The following EPHA6 variants were observed in gnomAD, a reference collection of about 807,000 sequenced individuals.
EPHA6 encodes the protein EPH receptor A6.
EPHA6 carries 50 observed loss-of-function variants against 112.0 expected under a neutral mutation model. The observed-to-expected ratio is 0.45, with a 90% CI of 0.36 to 0.56. The LOEUF is 0.56. EPHA6 is among the 20% of genes least tolerant of loss of function. EPHA6 has a pLI of 0.00. For synonymous variants in EPHA6, 529 were observed against 490.7 expected, an observed-to-expected ratio of 1.08 and a Z score of -1.03; for missense variants, 1,280 against 1,417.4, an observed-to-expected ratio of 0.90 and a Z score of 1.56.
intron 7 of EPHA6, among the ~76,000 whole-genome samples, chr3:97,460,543 G>A (rs2090852790): frequency 6.6e-6 from 1 of 152,192 alleles, no homozygotes; most frequent in Non-Finnish European, 1.5e-5. Context: ...CAGAGATGTG[G>A]TGTGTTGCCT....
At chr3:97,165,287 T>C (rs543588967) in intron 3 of EPHA6, among the ~76,000 whole-genome samples, 40 of 152,288 alleles carry the variant, frequency 2.6e-4, no homozygotes, top group African/African-American at 9.4e-4. Flanking sequence ...GCAACCTTTC[T>C]ATTCTCTTAA....
At chr3:97,176,084 T>A (rs9842464) in intron 3 of EPHA6, among the ~76,000 whole-genome samples, 1 of 151,900 alleles carries the variant, frequency 6.6e-6, no homozygotes, top group African/African-American at 2.4e-5. Context: ...CTTTCAATAC[T>A]CAGTTTTTTG....
intron 9 of EPHA6, among the ~76,000 whole-genome samples, chr3:97,480,715 C>T (rs2091508848): frequency 6.6e-6 from 1 of 152,260 alleles, no homozygotes; most frequent in Non-Finnish European, 1.5e-5. Context: ...CCGCCATCGT[C>T]ATCATGGCCC....
rs1239514034 is a variant in EPHA6 at position 97,265,021 on chromosome 3, G to T, written c.1606+20734G>T. Among the ~76,000 whole-genome samples, 7 of 152,194 alleles carry T rather than the reference G, an allele frequency of 4.6e-5. No homozygotes were observed. The East Asian group carries it at 1.4e-3, about 29-fold the overall frequency. On this transcript the variant is annotated intron_variant, in intron 5 of 17. Coordinates refer to ENST00000389672, the MANE Select transcript of EPHA6 (RefSeq NM_001080448.3). ...AGAGGGTAGCTCCTCTTTGCAGCTG[G>T]TCATCCTGACAATTGTTAAGCTATC...
At position 97,404,224 on chromosome 3, in the gene EPHA6, C is replaced by G. The variant is rs545979462; in HGVS notation, c.1607-926C>G. Among the ~76,000 whole-genome samples, 366 of 152,076 alleles carry G rather than the reference C, an allele frequency of 2.4e-3. 4 individuals carry two copies. Among genetic ancestry groups the G allele is most frequent in the Non-Finnish European group, 2.7e-3 (184 of 68,026 alleles). On this transcript the variant is annotated intron_variant, in intron 5 of 17. Transcript: ENST00000389672. ...ATAATTTTTGCCTTAAATCTTTAAG[C>G]TTCCCTTCATAAGAGTTGTATCATT...
intron 3 of EPHA6, among the ~76,000 whole-genome samples, chr3:97,135,239 G>T (rs1250719869): frequency 6.6e-6 from 1 of 152,132 alleles, no homozygotes; most frequent in Non-Finnish European, 1.5e-5. Context: ...TTCAGAACTT[G>T]GCTTTTGAGT....
At chr3:97,622,828 C>A (rs111991532) in intron 13 of EPHA6, among the ~76,000 whole-genome samples, 2 of 151,742 alleles carry the variant, frequency 1.3e-5, no homozygotes, top group South Asian at 4.2e-4. Flanking sequence ...GGTGTCTCAA[C>A]GAAGTTTTAA....
chr3:97,062,054 T>A (rs543279356), intron 3 of EPHA6, among the ~76,000 whole-genome samples: 11 of 152,310 alleles, frequency 7.2e-5, no homozygotes, highest in African/African-American at 2.2e-4. Context: ...ACTATATAGC[T>A]TCATTGTATC....
chr3:97,025,409 A>G (rs2044603486), intron 3 of EPHA6, among the ~76,000 whole-genome samples: 1 of 152,136 alleles, frequency 6.6e-6, no homozygotes, highest in African/African-American at 2.4e-5. Context: ...CTTTTGCCAG[A>G]TGCATAGTTA....
chr3:97,653,630 T>C (rs1039219600), intron 14 of EPHA6, among the ~76,000 whole-genome samples: 2 of 151,960 alleles, frequency 1.3e-5, no homozygotes, highest in African/African-American at 4.8e-5. Flanking sequence ...AATTACCATA[T>C]GATTCAGCAA....
At chr3:97,258,894 A>G (rs2079405279) in intron 5 of EPHA6, among the ~76,000 whole-genome samples, 2 of 151,984 alleles carry the variant, frequency 1.3e-5, no homozygotes, top group South Asian at 4.1e-4. Context: ...CATTCTAAAG[A>G]CTAACAGAAA....
At chr3:97,328,080 A>ATATATATATAG (rs2082572857) in intron 5 of EPHA6, among the ~76,000 whole-genome samples, 5 of 71,426 alleles carry the variant, frequency 7.0e-5, no homozygotes, top group African/African-American at 3.3e-4. Context: ...TATATATATA[A>ATATATATATAG]CCTGTTTTGT....
chr3:96,990,829 C>A (rs2043188225), intron 3 of EPHA6, among the ~76,000 whole-genome samples: 1 of 151,790 alleles, frequency 6.6e-6, no homozygotes, highest in Non-Finnish European at 1.5e-5. Context: ...CAAAAAAAAT[C>A]TCTGAATTAC....
intron 16 of EPHA6, 68 bp downstream of exon 16, chr3:97,736,186 A>G: frequency 3.7e-6 from 5 of 1,341,124 alleles, no homozygotes; most frequent in Non-Finnish European, 5.0e-6. Flanking sequence ...ATAGATAATA[A>G]TAACAGGTAG....
intron 2 of EPHA6, among the ~76,000 whole-genome samples, chr3:96,903,297 G>C (rs980175687): frequency 6.6e-6 from 1 of 152,148 alleles, no homozygotes; most frequent in African/African-American, 2.4e-5. Context: ...AGTTGTAGGA[G>C]TTGAGGACAA....
intron 11 of EPHA6, among the ~76,000 whole-genome samples, chr3:97,550,739 G>T (rs902384336): frequency 7.9e-5 from 12 of 152,090 alleles, no homozygotes; most frequent in African/African-American, 2.7e-4. Context: ...TAAGATGGGG[G>T]TATATTAAGA....
chr3:96,965,315 T>C (rs2042085457), intron 2 of EPHA6, among the ~76,000 whole-genome samples: 1 of 152,164 alleles, frequency 6.6e-6, no homozygotes, highest in Non-Finnish European at 1.5e-5. Context: ...ATAAGGCTTC[T>C]TACTTACCTA....
At chr3:97,436,964 C>T (rs2107259215) in intron 6 of EPHA6, among the ~76,000 whole-genome samples, 1 of 152,068 alleles carries the variant, frequency 6.6e-6, no homozygotes, top group East Asian at 1.9e-4. Flanking sequence ...AACCCGCGGC[C>T]CACACGTGGC....
intron 3 of EPHA6, among the ~76,000 whole-genome samples, chr3:97,166,950 A>G (rs2076556156): frequency 6.6e-6 from 1 of 152,142 alleles, no homozygotes; most frequent in African/African-American, 2.4e-5. Flanking sequence ...ATTTCATTGG[A>G]CAAAGGAATT....
Sources: allele counts gnomAD v4.1 joint callset (sites outside exome capture counted in the v4.1 genomes callset), GRCh38; gene constraint gnomAD v4.1.1; transcripts MANE v1.5; gene names NCBI Gene and HGNC (gene_info 2026-07-23, HGNC 2026-07-21).